The following ZNF362 variants were observed in gnomAD, a reference collection of about 807,000 sequenced individuals.
The protein encoded by ZNF362 is rotund homolog.
ZNF362 carries 11 observed loss-of-function variants against 42.9 expected under a neutral mutation model. That is an observed-to-expected ratio of 0.26 (90% confidence interval 0.16 to 0.42). The LOEUF (loss-of-function observed/expected upper bound fraction) is 0.42. Ranked by LOEUF, ZNF362 falls within the 20% of genes least tolerant of loss-of-function variation. ZNF362 has a pLI of 1.00. For missense variants in ZNF362, 362 were observed against 576.2 expected, an observed-to-expected ratio of 0.63 and a Z score of 3.81; for synonymous variants, 255 against 257.3, an observed-to-expected ratio of 0.99 and a Z score of 0.09.
intron 6 of ZNF362, among the ~76,000 whole-genome samples, chr1:33,288,719 C>T (rs202233645): frequency 3.0e-4 from 34 of 114,226 alleles, no homozygotes; most frequent in African/African-American, 1.0e-3. Flanking sequence ...ACTCCAGCCT[C>T]GGCGATAGAG....
the ZNF362 span, among the ~76,000 whole-genome samples, chr1:33,246,388 G>A: frequency 6.6e-6 from 1 of 152,302 alleles, no homozygotes; most frequent in Non-Finnish European, 1.5e-5. Flanking sequence ...GGCCTGGCTT[G>A]GGTTATGTGA....
the ZNF362 span, chr1:33,165,378 C>T: frequency 9.9e-6 from 12 of 1,215,078 alleles, no homozygotes; most frequent in South Asian, 1.3e-4. The surrounding 1 kb of genome is among the most constrained non-coding windows in gnomAD (Gnocchi z 4.0). Context: ...ACCGCACACC[C>T]GAGGCCCCGC....
the ZNF362 span, among the ~76,000 whole-genome samples, chr1:33,236,554 T>A: frequency 0.08 from 1,454 of 18,194 alleles, 52 homozygotes; most frequent in Non-Finnish European, 0.14. Context: ...AAAAAAAATA[T>A]ATATATATAT....
chr1:33,189,665 A>ATG, the ZNF362 span, among the ~76,000 whole-genome samples: 5 of 17,198 alleles, frequency 2.9e-4, no homozygotes, highest in African/African-American at 5.7e-4. Flanking sequence ...ATATATATAT[A>ATG]TATATATGTA....
chr1:33,136,260 T>C, the ZNF362 span, among the ~76,000 whole-genome samples: 3,467 of 151,376 alleles, frequency 0.023, 53 homozygotes, highest in Non-Finnish European at 0.036. Flanking sequence ...TCTTTCTTTT[T>C]CTTTCTCTCT....
the ZNF362 span, among the ~76,000 whole-genome samples, chr1:33,183,218 C>A: frequency 7.9e-5 from 12 of 152,060 alleles, no homozygotes; most frequent in Non-Finnish European, 1.6e-4. Flanking sequence ...TGGTTGGATA[C>A]GGGGGTGAGG....
chr1:33,246,266 G>A, the ZNF362 span, among the ~76,000 whole-genome samples: 2 of 152,170 alleles, frequency 1.3e-5, no homozygotes, highest in African/African-American at 4.8e-5. Flanking sequence ...CTCCAGGGTG[G>A]CTGGGACCAG....
At chr1:33,295,064 ACC>A in intron 7 of ZNF362, 49 bp downstream of exon 7, 1 of 1,331,352 alleles carries the variant, frequency 7.5e-7, no homozygotes, top group Non-Finnish European at 1.0e-6. Context: ...GTGCCCCCCC[ACC>A]CACCCCCACA....
the ZNF362 span, among the ~76,000 whole-genome samples, chr1:33,148,209 A>G: frequency 6.6e-6 from 1 of 152,138 alleles, no homozygotes; most frequent in Non-Finnish European, 1.5e-5. Context: ...TGCAAAGGGA[A>G]GTTCTGCCCC....
chr1:33,227,213 A>G, the ZNF362 span, among the ~76,000 whole-genome samples: 1 of 152,176 alleles, frequency 6.6e-6, no homozygotes, highest in Non-Finnish European at 1.5e-5. Flanking sequence ...TAAAACTGTT[A>G]CTAAGAAAAT....
the ZNF362 span, chr1:33,147,280 C>T: frequency 2.1e-5 from 34 of 1,614,126 alleles, no homozygotes; most frequent in South Asian, 5.5e-5. This position sits in a 1 kb window ranked among gnomAD's most constrained non-coding sequence, Gnocchi z 8.1. Flanking sequence ...GAACTTCTCG[C>T]GGAAGGTGTA....
At chr1:33,289,519 A>G (rs1477833952) in intron 6 of ZNF362, among the ~76,000 whole-genome samples, 2 of 152,098 alleles carry the variant, frequency 1.3e-5, no homozygotes, top group Non-Finnish European at 2.9e-5. Context: ...CAGAGGGGCA[A>G]CTTACTGGTC....
At chr1:33,255,167 TCA>T (rs1454883611), upstream of ZNF362, among the ~76,000 whole-genome samples, 6 of 152,242 alleles carry the variant, frequency 3.9e-5, no homozygotes, top group African/African-American at 1.4e-4. Context: ...TTCGAGTTGC[TCA>T]CAGTGTTTGC....
the ZNF362 span, among the ~76,000 whole-genome samples, chr1:33,237,190 A>C: frequency 8.5e-5 from 13 of 152,232 alleles, no homozygotes; most frequent in Non-Finnish European, 1.8e-4. Context: ...CAACTCCTTA[A>C]AATGATTTAA....
At chr1:33,219,401 CAT>C in the ZNF362 span, among the ~76,000 whole-genome samples, 5 of 152,286 alleles carry the variant, frequency 3.3e-5, no homozygotes, top group African/African-American at 9.6e-5. Flanking sequence ...AGCCTGCCCA[CAT>C]GTTTGATTAA....
the ZNF362 span, among the ~76,000 whole-genome samples, chr1:33,167,640 C>T: frequency 6.6e-6 from 1 of 152,190 alleles, no homozygotes; most frequent in African/African-American, 2.4e-5. The surrounding 1 kb of genome is among the most constrained non-coding windows in gnomAD (Gnocchi z 4.2). Flanking sequence ...CTGGAAATGG[C>T]CTCTGAGTTC....
At chr1:33,212,150 G>A in the ZNF362 span, among the ~76,000 whole-genome samples, 2 of 152,106 alleles carry the variant, frequency 1.3e-5, no homozygotes, top group Admixed American at 1.3e-4. Flanking sequence ...TGTTCCTCCT[G>A]CTTCAACCAT....
the ZNF362 span, among the ~76,000 whole-genome samples, chr1:33,128,858 A>G: frequency 6.6e-6 from 1 of 152,220 alleles, no homozygotes; most frequent in Non-Finnish European, 1.5e-5. Context: ...TTCATTTGAG[A>G]TCTTTTCAGA....
At chr1:33,181,220 G>A in the ZNF362 span, 2 of 1,574,730 alleles carry the variant, frequency 1.3e-6, no homozygotes, top group Middle Eastern at 1.7e-4. This position sits in a 1 kb window ranked among gnomAD's most constrained non-coding sequence, Gnocchi z 6.5. Context: ...AGCGCTCCAC[G>A]ATGTTGGCCA....
Sources: allele counts gnomAD v4.1 joint callset (sites outside exome capture counted in the v4.1 genomes callset), GRCh38; gene constraint gnomAD v4.1.1; non-coding constraint Gnocchi (gnomAD v3.1); transcripts MANE v1.5; gene names NCBI Gene and HGNC (gene_info 2026-07-23, HGNC 2026-07-21).